The following ENTPD5 variants were observed in gnomAD, a reference collection of about 807,000 sequenced individuals.
ENTPD5 encodes ectonucleoside triphosphate diphosphohydrolase 5 (inactive), also known as nucleoside diphosphate phosphatase ENTPD5.
In ENTPD5, 49 loss-of-function variants were observed where a neutral mutation model predicts 60.2. The observed-to-expected ratio is 0.81, with a 90% CI of 0.65 to 1.03. The LOEUF (loss-of-function observed/expected upper bound fraction) is 1.03. Ranked by LOEUF, ENTPD5 falls within the 50% of genes least tolerant of loss-of-function variation. The probability of loss-of-function intolerance (pLI) is 0.00; values close to 1 mark genes in which losing one functional copy is unlikely to be tolerated. For synonymous variants in ENTPD5, 187 were observed against 185.4 expected (o/e 1.01, Z -0.07); for missense variants, 480 against 507.6 (o/e 0.95, Z 0.52).
At chr14:73,956,049 G>A (rs2056415071), downstream of ENTPD5, 1 of 1,462,272 alleles carries the variant, frequency 6.8e-7, no homozygotes, top group East Asian at 2.3e-5. Context: ...TGATGGCCGG[G>A]TGCGGTGGCT....
At chr14:74,009,903 T>G (rs1426287088) in intron 3 of ENTPD5, among the ~76,000 whole-genome samples, 1 of 152,114 alleles carries the variant, frequency 6.6e-6, no homozygotes, top group African/African-American at 2.4e-5. Flanking sequence ...GCCATTCTCC[T>G]GCCACAGCCT....
At chr14:73,963,113 T>A (rs1566696392), downstream of ENTPD5, 1 of 939,260 alleles carries the variant, frequency 1.1e-6, no homozygotes, top group African/African-American at 1.7e-5. Flanking sequence ...TACATTAAAA[T>A]TCTCTTTTTC....
chr14:73,969,975 G>A (rs757316316), intron 15 of ENTPD5, 35 bp downstream of exon 15: 6 of 1,411,502 alleles, frequency 4.3e-6, no homozygotes, highest in Non-Finnish European at 5.0e-6. Flanking sequence ...CCACAAAAGA[G>A]GGCTGTTATG....
rs1766565359 is a variant in ENTPD5, at chr14:74,007,363, T to C, written c.-71+3728A>G. 2.7e-5 allele frequency among the ~76,000 whole-genome samples: 4 copies of C among 149,008 alleles called. No homozygotes were observed. In the South Asian group the frequency reaches 8.5e-4, roughly 32 times the overall value. On this transcript the variant is annotated intron_variant, in intron 3 of 15. Coordinates refer to ENST00000334696, the MANE Select transcript of ENTPD5 (RefSeq NM_001249.5). ...GGTGAAACCCCGTCTCTACTAAAAATATAAAAAATTAGCTGGGCATGCTGG... is the reference window on the plus strand; with the variant it reads ...GGTGAAACCCCGTCTCTACTAAAAACATAAAAAATTAGCTGGGCATGCTGG...
chr14:73,961,901 A>C, downstream of ENTPD5: 1 of 1,614,122 alleles, frequency 6.2e-7, no homozygotes, highest in Non-Finnish European at 8.5e-7. Context: ...GTCTCCACTC[A>C]AAGTAAGAGG....
intron 3 of ENTPD5, chr14:73,996,001 C>T: frequency 4.4e-6 from 1 of 226,732 alleles, no homozygotes; most frequent in Non-Finnish European, 7.3e-6. Flanking sequence ...TGAATCCTCC[C>T]CACTCAGCTT....
intron 3 of ENTPD5, among the ~76,000 whole-genome samples, chr14:74,010,708 G>C (rs1457466457): frequency 6.6e-6 from 1 of 152,124 alleles, no homozygotes; most frequent in African/African-American, 2.4e-5. Context: ...AGGTCTACAG[G>C]ACTGTTTGCC....
At chr14:74,000,435 G>A (rs1277726423) in intron 3 of ENTPD5, among the ~76,000 whole-genome samples, 1 of 151,422 alleles carries the variant, frequency 6.6e-6, no homozygotes, top group Admixed American at 6.6e-5. Flanking sequence ...ACTCCAGCCT[G>A]GGTGACAAGA....
intron 5 of ENTPD5, among the ~76,000 whole-genome samples, chr14:73,985,997 G>A (rs539633177): frequency 3.7e-4 from 55 of 150,614 alleles, no homozygotes; most frequent in African/African-American, 1.1e-3. Flanking sequence ...GCTTGAACCC[G>A]CGAGGCAGAG....
chr14:74,002,267 C>G (rs2058534711), intron 3 of ENTPD5, among the ~76,000 whole-genome samples: 1 of 151,996 alleles, frequency 6.6e-6, no homozygotes, highest in South Asian at 2.1e-4. Context: ...AACTAGTAGG[C>G]CACCCAAGAA....
chr14:74,003,164 C>T (rs2058562755), intron 3 of ENTPD5, among the ~76,000 whole-genome samples: 1 of 152,186 alleles, frequency 6.6e-6, no homozygotes. Context: ...ATCCACTTTT[C>T]TTTTTTCCAC....
intron 3 of ENTPD5, among the ~76,000 whole-genome samples, chr14:74,001,263 G>A (rs2058496511): frequency 6.6e-6 from 1 of 152,126 alleles, no homozygotes; most frequent in Admixed American, 6.5e-5. Flanking sequence ...AGCACTTTGG[G>A]AGGCCAAGGC....
intron 3 of ENTPD5, among the ~76,000 whole-genome samples, chr14:73,990,992 G>A (rs2058104798): frequency 1.3e-5 from 2 of 152,100 alleles, no homozygotes; most frequent in African/African-American, 4.8e-5. Context: ...CCATGCCACT[G>A]CACTCCAGCC....
chr14:73,955,761 T>G, downstream of ENTPD5: 1 of 1,614,016 alleles, frequency 6.2e-7, no homozygotes, highest in Non-Finnish European at 8.5e-7. Context: ...TGGAGTGATG[T>G]TTCCCTCTTG....
intron 13 of ENTPD5, 41 bp from the exon 14 acceptor site, chr14:73,971,949 C>T (rs2140486785): frequency 2.5e-6 from 3 of 1,213,196 alleles, no homozygotes; most frequent in East Asian, 4.6e-5. Flanking sequence ...AAAACGCCTT[C>T]AAGGAAGCAT....
At chr14:73,971,930 T>G (rs750406098) in intron 13 of ENTPD5, 22 bp from the exon 14 acceptor site, 2 of 1,456,624 alleles carry the variant, frequency 1.4e-6, no homozygotes, top group Non-Finnish European at 1.9e-6. Context: ...CAGAAGATTA[T>G]CTGATATCAA....
intron 3 of ENTPD5, among the ~76,000 whole-genome samples, chr14:74,006,475 G>C (rs1193596130): frequency 6.6e-6 from 1 of 151,774 alleles, no homozygotes; most frequent in African/African-American, 2.4e-5. Context: ...AGCAGAGACG[G>C]GGTTTCACTG....
chr14:73,959,262 C>T, downstream of ENTPD5: 1 of 1,614,210 alleles, frequency 6.2e-7, no homozygotes, highest in Non-Finnish European at 8.5e-7. Context: ...CACATGCATG[C>T]AAGCCTTTCC....
chr14:73,974,057 G>A, intron 11 of ENTPD5, 79 bp from the exon 12 acceptor site: 2 of 1,187,004 alleles, frequency 1.7e-6, no homozygotes, highest in Non-Finnish European at 2.5e-6. Context: ...CCAGTGAGGT[G>A]GAAAAGAATC....
Sources: allele counts gnomAD v4.1 joint callset (sites outside exome capture counted in the v4.1 genomes callset), GRCh38; gene constraint gnomAD v4.1.1; transcripts MANE v1.5; gene names NCBI Gene and HGNC (gene_info 2026-07-23, HGNC 2026-07-21).